Variants in SHF observed in about 807,000 individuals in gnomAD.
SHF encodes the protein Src homology 2 domain containing F.
In SHF, 30 loss-of-function variants were observed where a neutral mutation model predicts 42.4. That is an observed-to-expected ratio of 0.71 (90% CI 0.53 to 0.96). The LOEUF is 0.96. Ranked by LOEUF, SHF falls within the 40% of genes least tolerant of loss-of-function variation. SHF has a pLI of 0.00. For synonymous variants in SHF, 264 were observed against 269.9 expected (o/e 0.98, Z 0.21); for missense variants, 598 against 634.0 (o/e 0.94, Z 0.61).
At chr15:45,172,878 C>G (rs541383960) in intron 4 of SHF, among the ~76,000 whole-genome samples, 69 of 152,174 alleles carry the variant, frequency 4.5e-4, no homozygotes, top group African/African-American at 1.5e-3. Flanking sequence ...CCCCAACCCA[C>G]AGAGGCCCAG....
chr15:45,188,751 G>A (rs142860595), upstream of SHF, among the ~76,000 whole-genome samples: 223 of 152,292 alleles, frequency 1.5e-3, 1 homozygote, highest in South Asian at 5.0e-3. Flanking sequence ...CCACATCCCG[G>A]GCTTCATTGT....
At chr15:45,169,893 C>A (rs571730099) in intron 6 of SHF, among the ~76,000 whole-genome samples, 1 of 152,206 alleles carries the variant, frequency 6.6e-6, no homozygotes, top group African/African-American at 2.4e-5. Context: ...GGCTGGCAAG[C>A]CTTTTTGAGG....
At chr15:45,199,282 G>C (rs1595652439) in intron 1 of SHF, 2 of 567,844 alleles carry the variant, frequency 3.5e-6, no homozygotes, top group East Asian at 5.9e-5. Flanking sequence ...CCTAGGCTGT[G>C]TCACGGGGCC....
exon 2 of SHF, chr15:45,199,043 G>A (rs1201028007): frequency 1.9e-6 from 3 of 1,602,192 alleles, no homozygotes; most frequent in South Asian, 2.2e-5. Context: ...CCTACAGGGG[G>A]CGCTCCTCAC....
At chr15:45,185,156 C>G (rs1898322836) in intron 1 of SHF, among the ~76,000 whole-genome samples, 1 of 152,242 alleles carries the variant, frequency 6.6e-6, no homozygotes, top group Non-Finnish European at 1.5e-5. Context: ...AGCCACTGGG[C>G]TCCAGAGGAG....
rs760392928 is a variant in SHF, at chr15:45,198,787, C to T, written c.288G>A (p.Arg96=). 2.5e-6 allele frequency: 4 copies of T among 1,612,220 alleles called. No individual in the cohort carries two copies. The Admixed American group carries it at 6.7e-5, about 27-fold the overall frequency. The change falls in exon 2 of 8, where the codon AGG becomes AGA. Residue 96 remains arginine, a synonymous_variant. Transcript: ENST00000290894. ...GCCTACTTACGGGGCGAGGTTCCAG[C>T]CTGTCCCTGAGTCTGATAATGCGCA... is the stretch of plus-strand genomic sequence containing the variant.
rs547038377 is a variant in SHF at position 45,187,589 on chromosome 15, G to C, written c.363C>G (p.Thr121=). 123 of 1,230,450 alleles carry C rather than the reference G, an allele frequency of 1.0e-4. No homozygotes were observed. In the African/African-American group the frequency reaches 1.4e-3, roughly 14 times the overall value. 76.2% of individuals were successfully genotyped at this position (1,230,450 alleles called of 1,614,324 possible). Residue 121 remains threonine (T), a synonymous_variant, in exon 1 of 7, where the codon ACC becomes ACG. Transcript: ENST00000690270. Reference sequence around the variant, plus strand: ...GCGGCGTGGGTCCGGGGGCGACAGGGGTGGCGAGGGCGGCGGAGCCGGACG... The same window carrying C: ...GCGGCGTGGGTCCGGGGGCGACAGGCGTGGCGAGGGCGGCGGAGCCGGACG... The part of the protein sequence containing the change: ...GGSSGSAALA[T]PVAPGPTPPP...
upstream of SHF, among the ~76,000 whole-genome samples, chr15:45,192,655 G>C (rs1898743655): frequency 1.3e-5 from 2 of 152,192 alleles, no homozygotes; most frequent in Non-Finnish European, 2.9e-5. Flanking sequence ...ACAAGTGTGA[G>C]CCACCGCGCC....
At chr15:45,186,395 A>G (rs566184995) in intron 1 of SHF, among the ~76,000 whole-genome samples, 2 of 152,238 alleles carry the variant, frequency 1.3e-5, no homozygotes, top group Non-Finnish European at 2.9e-5. Flanking sequence ...TTGCACTCCA[A>G]TCAAATAAAA....
At chr15:45,194,281 T>C (rs983050032) in intron 2 of SHF, among the ~76,000 whole-genome samples, 3 of 152,064 alleles carry the variant, frequency 2.0e-5, no homozygotes, top group Non-Finnish European at 1.5e-5. Flanking sequence ...ATTATTATTC[T>C]TTTTGATGCC....
upstream of SHF, among the ~76,000 whole-genome samples, chr15:45,191,928 T>TAA (rs61199234): frequency 4.4e-5 from 6 of 135,520 alleles, no homozygotes; most frequent in South Asian, 2.4e-4. Flanking sequence ...TGTCTCTATT[T>TAA]AAAAAAAAAA....
intron 1 of SHF, among the ~76,000 whole-genome samples, chr15:45,185,093 C>A (rs1898319978): frequency 6.6e-6 from 1 of 152,230 alleles, no homozygotes; most frequent in African/African-American, 2.4e-5. Flanking sequence ...CCACCCATTT[C>A]ATCAAATCTC....
rs373785239 is a variant in SHF at position 45,175,421 on chromosome 15, G to T, written c.645C>A (p.Ile215=). 2.5e-5 allele frequency: 39 copies of T among 1,578,190 alleles called. No homozygotes were observed. The highest frequency in any genetic ancestry group is 3.3e-5 in the Non-Finnish European group (38 of 1,161,796). Residue 215 remains isoleucine, a synonymous_variant, in exon 3 of 7, where the codon ATC becomes ATA. Transcript: ENST00000690270. ...PYEAQKMMAE[I]RGSKETATQP... The stretch of plus-strand genomic sequence containing the variant: ...GAGTTGCTGTCTCCTTGGAGCCCCG[G>T]ATCTCTGCCGGAGCAGGGCAGGAAG...
chr15:45,178,129 G>T, intron 2 of SHF, 36 bp downstream of exon 2: 1 of 1,600,936 alleles, frequency 6.2e-7, no homozygotes, highest in Non-Finnish European at 8.5e-7. Flanking sequence ...CAGAGCCCAG[G>T]CCTCAGGGAG....
chr15:45,176,243 G>A (rs748360909), intron 2 of SHF, among the ~76,000 whole-genome samples: 1 of 151,690 alleles, frequency 6.6e-6, no homozygotes, highest in African/African-American at 2.4e-5. Context: ...CTTTCACTTT[G>A]ACATTCCATG....
chr15:45,179,986 T>C (rs1898040604), intron 1 of SHF, among the ~76,000 whole-genome samples: 1 of 152,090 alleles, frequency 6.6e-6, no homozygotes, highest in African/African-American at 2.4e-5. Context: ...CCCTCTGAGG[T>C]ACCTCCCAAT....
chr15:45,174,141 C>T (rs1446596484), intron 3 of SHF: 3 of 198,308 alleles, frequency 1.5e-5, no homozygotes, highest in Admixed American at 1.1e-4. Flanking sequence ...CTCCTTTTCC[C>T]CACAGCCTGG....
chr15:45,198,478 G>C, intron 2 of SHF: 1 of 347,108 alleles, frequency 2.9e-6, no homozygotes, highest in Non-Finnish European at 5.3e-6. Context: ...GGCGGTCCTC[G>C]GAGTGCCTCA....
chr15:45,188,096 G>C (rs916859540), upstream of SHF: 3 of 321,766 alleles, frequency 9.3e-6, no homozygotes, highest in Non-Finnish European at 1.6e-5. Context: ...TCCCTAACAG[G>C]GTCTTCCTCC....
Sources: gnomAD v4.1 joint callset for allele counts (sites outside exome capture counted in the v4.1 genomes callset) on GRCh38, gnomAD v4.1.1 for gene constraint, MANE v1.5 for transcripts, NCBI Gene and HGNC (gene_info 2026-07-23, HGNC 2026-07-21) for gene names.